HIP1: variants seen among roughly 807,000 people sequenced by gnomAD.
The protein encoded by HIP1 is huntingtin interacting protein 1.
A neutral mutation model predicts 147.6 loss-of-function variants in HIP1; 65 were observed. The ratio of observed to expected loss-of-function variants is 0.44; its 90% confidence interval spans 0.36 to 0.54. HIP1 has a LOEUF of 0.54. Among genes scored for constraint, HIP1 ranks in the 20% least tolerant of loss-of-function variants. The pLI is 0.00. For synonymous variants in HIP1, 479 were observed against 504.0 expected, an observed-to-expected ratio of 0.95 and a Z score of 0.67; for missense variants, 1,061 against 1,299.6, an observed-to-expected ratio of 0.82 and a Z score of 2.82.
rs1554494157 is a variant in HIP1, at chr7:75,559,749, C to T, written c.1358G>A (p.Ser453Asn). The T allele has an allele frequency of 1.4e-6, 2 of 1,431,658 alleles. No homozygotes were observed. The highest frequency in any genetic ancestry group is 4.1e-5 in the Admixed American group (2 of 49,230). The allele number at this position is 1,431,658 out of a possible 1,614,324, so 88.7% of individuals were successfully genotyped here. A position where few individuals can be genotyped will look rare whatever the true frequency, so the allele number is the denominator to read the frequency against. ...CCGCTCACTTTCTATCTCAGACAGG[C>T]TCCGCTGAGCCTTCTCGGTGTCCTC... ...QREDTEKAQR[S>N]LSEIERKAQA... is the part of the protein sequence containing the mutation. Residue 453 changes from serine to asparagine, a missense_variant, in exon 14 of 31, where the codon AGC becomes AAC. Ser to Asn is a conservative substitution (Grantham distance 46, BLOSUM62 1). Transcript: ENST00000336926.
intron 1 of HIP1, among the ~76,000 whole-genome samples, chr7:75,660,049 C>A (rs544599142): frequency 9.9e-5 from 15 of 151,248 alleles, no homozygotes; most frequent in Non-Finnish European, 2.1e-4. Flanking sequence ...TCGCGTGAAC[C>A]GGAGAAGCGG....
intron 1 of HIP1, among the ~76,000 whole-genome samples, chr7:75,709,280 T>G (rs1801095056): frequency 6.6e-6 from 1 of 151,846 alleles, no homozygotes; most frequent in Admixed American, 6.6e-5. Flanking sequence ...GCCTGGTTGA[T>G]GTTTGTATTT....
At chr7:75,560,500 C>G (rs1554494358) in intron 13 of HIP1, among the ~76,000 whole-genome samples, 1 of 152,122 alleles carries the variant, frequency 6.6e-6, no homozygotes, top group African/African-American at 2.4e-5. Flanking sequence ...GATCCTTCTG[C>G]CTGAGCCTTC....
At chr7:75,687,334 A>T (rs1554517674) in intron 1 of HIP1, among the ~76,000 whole-genome samples, 1 of 152,154 alleles carries the variant, frequency 6.6e-6, no homozygotes, top group Non-Finnish European at 1.5e-5. Context: ...TTCCCAGTTT[A>T]TCTCCTTGCT....
intron 1 of HIP1, among the ~76,000 whole-genome samples, chr7:75,646,055 C>T (rs1180232554): frequency 6.6e-6 from 1 of 152,084 alleles, no homozygotes; most frequent in African/African-American, 2.4e-5. Flanking sequence ...ATGTAACAAA[C>T]CTGCACATGT....
chr7:75,634,542 T>C (rs1798356692), intron 1 of HIP1, among the ~76,000 whole-genome samples: 1 of 152,214 alleles, frequency 6.6e-6, no homozygotes, highest in Non-Finnish European at 1.5e-5. Flanking sequence ...ATATCAGATG[T>C]CACTTTTCTG....
Position 75,538,126 on chromosome 7 carries a change from A to G in HIP1, c.*46T>C, listed in dbSNP as rs782142183. The G allele has an allele frequency of 1.3e-6, 2 of 1,498,922 alleles. No homozygotes were observed. Among genetic ancestry groups the G allele is most frequent in the African/African-American group, 1.4e-5 (1 of 72,630 alleles). 92.9% of individuals were successfully genotyped at this position (1,498,922 alleles called of 1,614,324 possible). ...TGGCTGGGGAAATAACACACACGAG[A>G]TAGGTAACAAGGATTTACACTGACA... On this transcript the variant is annotated 3_prime_UTR_variant, in exon 31 of 31. Transcript: ENST00000336926.
Position 75,659,850 on chromosome 7 carries a change from G to A in HIP1, c.121-60603C>T, listed in dbSNP as rs782624802. ...TGTAAAATAACTCAGGTTCTGGCCT[G>A]GGGGTGGTGGCTCACACCTGTAATC... On this transcript the variant is annotated intron_variant, in intron 1 of 30. Transcript: ENST00000336926. Among the ~76,000 whole-genome samples, 37 of 151,852 alleles carry A rather than the reference G, an allele frequency of 2.4e-4. 1 individual carries two copies. The highest frequency in any genetic ancestry group is 8.8e-5 in the Non-Finnish European group (6 of 67,952).
chr7:75,664,119 T>C (rs564009954), intron 1 of HIP1, among the ~76,000 whole-genome samples: 2 of 86,966 alleles, frequency 2.3e-5, no homozygotes, highest in South Asian at 7.6e-4. Flanking sequence ...TGTATGCATA[T>C]ATGCACACAC....
chr7:75,730,629 G>A (rs782029696), intron 1 of HIP1, among the ~76,000 whole-genome samples: 3 of 150,932 alleles, frequency 2.0e-5, no homozygotes, highest in East Asian at 2.0e-4. Context: ...GTGAGCCACC[G>A]TGTCCAGCCT....
chr7:75,731,901 G>C (rs1361191812), intron 1 of HIP1, among the ~76,000 whole-genome samples: 1 of 152,110 alleles, frequency 6.6e-6, no homozygotes, highest in African/African-American at 2.4e-5. Flanking sequence ...CCATACCAAT[G>C]AGACAGAATC....
intron 29 of HIP1, among the ~76,000 whole-genome samples, chr7:75,539,740 T>C (rs1312163645): frequency 2.0e-5 from 3 of 152,204 alleles, no homozygotes; most frequent in African/African-American, 7.2e-5. Flanking sequence ...TTTGCTCTAA[T>C]TTTTCCATTC....
At chr7:75,730,205 G>T (rs1554522834) in intron 1 of HIP1, among the ~76,000 whole-genome samples, 1 of 152,036 alleles carries the variant, frequency 6.6e-6, no homozygotes, top group Admixed American at 6.6e-5. Context: ...AAAGAGAAGT[G>T]GGGTGAGGAC....
intron 1 of HIP1, among the ~76,000 whole-genome samples, chr7:75,679,412 C>T (rs1274699687): frequency 6.6e-6 from 1 of 152,168 alleles, no homozygotes; most frequent in African/African-American, 2.4e-5. Context: ...ATATGTTGCC[C>T]AGGTTGGCTT....
In HIP1 at chr7:75,581,037, C is replaced by T. The variant is rs587766941; in HGVS notation, c.604+200G>A. 5.3e-5 allele frequency among the ~76,000 whole-genome samples: 8 copies of T among 152,246 alleles called. No individual in the cohort carries two copies. In the South Asian group the frequency reaches 1.5e-3, roughly 28 times the overall value. The stretch of plus-strand genomic sequence containing the variant: ...GATTACAGGTGCGAGCCACTGCACC[C>T]GGCCGAGACCTTGTCTCTTAAAAAG... On this transcript the variant is annotated intron_variant, in intron 7 of 30. Transcript: ENST00000336926.
At chr7:75,626,531 C>G (rs1470362740) in intron 1 of HIP1, 1 of 152,148 alleles carries the variant, frequency 6.6e-6, no homozygotes, top group African/African-American at 2.4e-5. Flanking sequence ...CTCACCACAA[C>G]CCGGTATGGA....
chr7:75,709,108 TC>T (rs1554519933), intron 1 of HIP1, among the ~76,000 whole-genome samples: 2 of 110,978 alleles, frequency 1.8e-5, no homozygotes, highest in Admixed American at 9.7e-5. Flanking sequence ...CTTTTTCTTT[TC>T]TTTTTTTTTT....
intron 1 of HIP1, among the ~76,000 whole-genome samples, chr7:75,648,728 T>G (rs1472183504): frequency 6.6e-6 from 1 of 151,638 alleles, no homozygotes; most frequent in Admixed American, 6.6e-5. Context: ...AGGAGAGACA[T>G]GAGACGTGCT....
chr7:75,567,349 A>T (rs1220396420), intron 9 of HIP1, among the ~76,000 whole-genome samples: 1 of 151,318 alleles, frequency 6.6e-6, no homozygotes, highest in Non-Finnish European at 1.5e-5. Context: ...AAAAGAGAAG[A>T]GGATGAAGTC....
Sources: gnomAD v4.1 joint callset for allele counts (sites outside exome capture counted in the v4.1 genomes callset) on GRCh38, gnomAD v4.1.1 for gene constraint, MANE v1.5 for transcripts, NCBI Gene and HGNC (gene_info 2026-07-23, HGNC 2026-07-21) for gene names.